The following TENM3 variants were observed in gnomAD, a reference collection of about 807,000 sequenced individuals.
TENM3 encodes teneurin transmembrane protein 3.
Under a neutral mutation model 255.1 loss-of-function variants are expected in TENM3, and 63 were observed. The ratio of observed to expected loss-of-function variants is 0.25; its 90% CI spans 0.20 to 0.30. The LOEUF is 0.30. Ranked by LOEUF, TENM3 falls within the 10% of genes least tolerant of loss-of-function variation. The pLI, the probability that TENM3 is intolerant of heterozygous loss-of-function variation, is 1.00. For synonymous variants in TENM3, 1,306 were observed against 1,322.3 expected (o/e 0.99, Z 0.27); for missense variants, 2,929 against 3,461.1 (o/e 0.85, Z 3.86).
chr4:181,822,479 C>A, the TENM3 span, among the ~76,000 whole-genome samples: 13 of 152,288 alleles, frequency 8.5e-5, no homozygotes, highest in Non-Finnish European at 1.3e-4. Context: ...GTAATCCCTA[C>A]ATTTTTGTAA....
At chr4:181,646,206 T>G in the TENM3 span, among the ~76,000 whole-genome samples, 4 of 152,262 alleles carry the variant, frequency 2.6e-5, no homozygotes, top group African/African-American at 9.6e-5. Context: ...CGAGCAATTA[T>G]GTGAGCCTGC....
At chr4:182,348,775 A>AACATATGT (rs1237409040) in intron 3 of TENM3, among the ~76,000 whole-genome samples, 39 of 152,152 alleles carry the variant, frequency 2.6e-4, no homozygotes, top group African/African-American at 7.5e-4. Flanking sequence ...TGGATCCCCA[A>AACATATGT]ACATATGTAT....
chr4:182,620,116 C>G (rs1445611212), intron 4 of TENM3, among the ~76,000 whole-genome samples: 1 of 152,132 alleles, frequency 6.6e-6, no homozygotes, highest in Non-Finnish European at 1.5e-5. Context: ...ATTCCCAGAG[C>G]TGTATGACTC....
At chr4:181,932,784 A>T in the TENM3 span, among the ~76,000 whole-genome samples, 8 of 152,342 alleles carry the variant, frequency 5.3e-5, no homozygotes, top group South Asian at 1.7e-3. Flanking sequence ...TCAATGATAG[A>T]CTGGATAAAG....
the TENM3 span, among the ~76,000 whole-genome samples, chr4:181,599,196 A>T: frequency 6.6e-6 from 1 of 152,336 alleles, no homozygotes; most frequent in South Asian, 2.1e-4. Context: ...CATTGAGCAG[A>T]GCTACCTTAT....
chr4:182,696,479 C>A (rs1757424152), intron 12 of TENM3, among the ~76,000 whole-genome samples: 1 of 152,150 alleles, frequency 6.6e-6, no homozygotes, highest in Non-Finnish European at 1.5e-5. Flanking sequence ...GTAATCCCAG[C>A]ACTTTGGGAG....
the TENM3 span, among the ~76,000 whole-genome samples, chr4:182,027,158 C>A: frequency 6.6e-6 from 1 of 152,034 alleles, no homozygotes; most frequent in African/African-American, 2.4e-5. Context: ...TTATAGAGAT[C>A]TTCTTAGGTA....
the TENM3 span, among the ~76,000 whole-genome samples, chr4:182,104,817 TG>T: frequency 1.3e-5 from 2 of 152,082 alleles, no homozygotes; most frequent in South Asian, 4.1e-4. Context: ...CAGGACTCTC[TG>T]GGTAATTTTT....
chr4:181,611,686 A>T, the TENM3 span, among the ~76,000 whole-genome samples: 1 of 152,372 alleles, frequency 6.6e-6, no homozygotes, highest in African/African-American at 2.4e-5. Flanking sequence ...TGACAATTAT[A>T]GAGTTATAAT....
the TENM3 span, among the ~76,000 whole-genome samples, chr4:181,982,793 A>G: frequency 6.6e-6 from 1 of 152,184 alleles, no homozygotes; most frequent in African/African-American, 2.4e-5. Flanking sequence ...TTTAAAAAAT[A>G]TGCACCAACT....
chr4:182,116,077 T>C, the TENM3 span, among the ~76,000 whole-genome samples: 1 of 152,118 alleles, frequency 6.6e-6, no homozygotes, highest in Non-Finnish European at 1.5e-5. Context: ...TACATTAGGA[T>C]TCACTCTTAG....
At chr4:182,636,923 C>G (rs1263618128) in intron 5 of TENM3, among the ~76,000 whole-genome samples, 2 of 152,078 alleles carry the variant, frequency 1.3e-5, no homozygotes, top group African/African-American at 2.4e-5. Flanking sequence ...TTTAAACTAT[C>G]ATTTTTGCAA....
rs1230977965 is a variant in TENM3, at chr4:182,650,881, TAAA to T, written c.989-2883_989-2881del. 1.6e-3 allele frequency among the ~76,000 whole-genome samples: 94 copies of T among 60,234 alleles called. 2 individuals are homozygous for T. Among genetic ancestry groups the T allele is most frequent in the African/African-American group, 4.8e-3 (88 of 18,272 alleles). The allele number at this position is 60,234 out of a possible 152,430, so 39.5% of individuals were successfully genotyped here. On this transcript the variant is annotated intron_variant, in intron 5 of 27. Transcript: ENST00000511685. ...CTCACTTTATTGAGATTTTCTGTAA[TAAA>T]AAAAAATATATATATATATATATAT...
chr4:181,800,737 A>C, the TENM3 span, among the ~76,000 whole-genome samples: 1 of 152,334 alleles, frequency 6.6e-6, no homozygotes, highest in East Asian at 1.9e-4. Context: ...GTAAAATGGA[A>C]ATAATGGTAG....
intron 3 of TENM3, among the ~76,000 whole-genome samples, chr4:182,430,075 A>G (rs891520263): frequency 1.3e-5 from 2 of 152,210 alleles, no homozygotes; most frequent in African/African-American, 4.8e-5. Context: ...CAGTATTATC[A>G]CTGAGTGACA....
intron 3 of TENM3, among the ~76,000 whole-genome samples, chr4:182,475,327 T>A (rs1454895575): frequency 6.6e-6 from 1 of 152,234 alleles, no homozygotes; most frequent in African/African-American, 2.4e-5. Flanking sequence ...ATTATCAAAT[T>A]ATGTAAATAC....
At chr4:182,615,815 A>T (rs1257036936) in intron 4 of TENM3, among the ~76,000 whole-genome samples, 1 of 152,192 alleles carries the variant, frequency 6.6e-6, no homozygotes, top group African/African-American at 2.4e-5. Flanking sequence ...TGAGCGTTGT[A>T]TAACTCATTT....
the TENM3 span, among the ~76,000 whole-genome samples, chr4:181,816,089 A>G: frequency 2.6e-5 from 4 of 152,136 alleles, no homozygotes; most frequent in Admixed American, 6.5e-5. Context: ...TTTTGTTTCA[A>G]ATTTCTCTCA....
At chr4:182,674,301 A>C (rs1030431175) in intron 7 of TENM3, among the ~76,000 whole-genome samples, 4 of 152,158 alleles carry the variant, frequency 2.6e-5, no homozygotes, top group Admixed American at 2.6e-4. Context: ...CATATTAATA[A>C]AGAAATTATA....
Sources: allele counts gnomAD v4.1 joint callset (sites outside exome capture counted in the v4.1 genomes callset), GRCh38; gene constraint gnomAD v4.1.1; transcripts MANE v1.5; gene names NCBI Gene and HGNC (gene_info 2026-07-23, HGNC 2026-07-21).